ST6GAL2: variants seen among roughly 807,000 people sequenced by gnomAD.
ST6GAL2 encodes ST6 beta-galactoside alpha-2,6-sialyltransferase 2, also known as beta-galactoside alpha-2,6-sialyltransferase 2.
Under a neutral mutation model 37.5 loss-of-function variants are expected in ST6GAL2, and 24 were observed. The observed-to-expected ratio is 0.64, with a 90% confidence interval of 0.46 to 0.90. The LOEUF is 0.90. Among genes scored for constraint, ST6GAL2 ranks in the 40% least tolerant of loss-of-function variants. The pLI, the probability that ST6GAL2 is intolerant of heterozygous loss-of-function variation, is 0.00. For missense variants in ST6GAL2, 715 were observed against 712.7 expected, an observed-to-expected ratio of 1.00 and a Z score of -0.04; for synonymous variants, 306 against 295.1, an observed-to-expected ratio of 1.04 and a Z score of -0.38.
Position 106,805,247 on chromosome 2 carries a change from G to A in ST6GAL2, c.*1431C>T, listed in dbSNP as rs1675378335. ...AAGGGAGAACGCATTTAATTAAGCT[G>A]CTATTGTCATTGCAACAAGTCTTAA... On this transcript the variant is annotated 3_prime_UTR_variant, in exon 6 of 6. Coordinates refer to ENST00000409382, the MANE Select transcript of ST6GAL2 (RefSeq NM_001142351.2). 6.6e-6 allele frequency: 1 copy of A among 152,170 alleles called. No individual in the cohort carries two copies. The highest frequency in any genetic ancestry group is 1.5e-5 in the Non-Finnish European group (1 of 68,018). The allele number at this position is 152,170 out of a possible 1,614,324, so 9.4% of individuals were successfully genotyped here. A position where few individuals can be genotyped will look rare whatever the true frequency, so the allele number is the denominator to read the frequency against.
intron 1 of ST6GAL2, among the ~76,000 whole-genome samples, chr2:106,868,199 G>A (rs1678114116): frequency 6.6e-6 from 1 of 152,134 alleles, no homozygotes; most frequent in South Asian, 2.1e-4. Flanking sequence ...GATCATTTAC[G>A]CTCACTTTAC....
chr2:106,881,178 G>A (rs1379218972), intron 1 of ST6GAL2, among the ~76,000 whole-genome samples: 4 of 152,122 alleles, frequency 2.6e-5, no homozygotes, highest in Admixed American at 6.6e-5. Flanking sequence ...TTGTAGTTAT[G>A]GGGGTCTTGT....
chr2:106,813,222 AG>A, intron 5 of ST6GAL2: 1 of 1,354,704 alleles, frequency 7.4e-7, no homozygotes, highest in Non-Finnish European at 9.5e-7. Context: ...TTTACAAATG[AG>A]CCTATATGAG....
rs542476946 is a variant in ST6GAL2, at chr2:106,876,174, T to C, written c.-58+9919A>G. On this transcript the variant is annotated intron_variant, in intron 1 of 5. Coordinates refer to ENST00000409382, the MANE Select transcript of ST6GAL2 (RefSeq NM_001142351.2). ...AGTGTGTTTTTTTTCATATAAATAT[T>C]ATATGTCCAGCATTATTTTTAATAA... Among the ~76,000 whole-genome samples the C allele has an allele frequency of 2.6e-5, 4 of 152,276 alleles. No individual in the cohort carries two copies. In the South Asian group the frequency reaches 8.3e-4, roughly 32 times the overall value.
At chr2:106,859,415 C>T (rs1254956484) in intron 1 of ST6GAL2, among the ~76,000 whole-genome samples, 1 of 152,210 alleles carries the variant, frequency 6.6e-6, no homozygotes, top group Non-Finnish European at 1.5e-5. Flanking sequence ...TGCAGATCCA[C>T]ATAATCAATA....
chr2:106,862,898 A>T (rs1677866440), intron 1 of ST6GAL2, among the ~76,000 whole-genome samples: 1 of 144,992 alleles, frequency 6.9e-6, no homozygotes, highest in African/African-American at 2.5e-5. Flanking sequence ...AATCTAATTA[A>T]TTTGATAAAA....
intron 5 of ST6GAL2, among the ~76,000 whole-genome samples, chr2:106,819,533 G>A (rs1157532703): frequency 6.6e-6 from 1 of 151,840 alleles, no homozygotes; most frequent in Non-Finnish European, 1.5e-5. Flanking sequence ...CAAACATAAA[G>A]GAGAAATGAA....
At chr2:106,816,278 A>C (rs1310567662) in intron 5 of ST6GAL2, among the ~76,000 whole-genome samples, 1 of 152,202 alleles carries the variant, frequency 6.6e-6, no homozygotes, top group African/African-American at 2.4e-5. Flanking sequence ...GATAAATAGT[A>C]ATTCTAAACC....
chr2:106,842,234 C>A (rs1474674033), intron 2 of ST6GAL2, among the ~76,000 whole-genome samples: 1 of 152,216 alleles, frequency 6.6e-6, no homozygotes, highest in Admixed American at 6.5e-5. Context: ...TGTATAGACA[C>A]ATATCCTCCT....
At chr2:106,862,969 T>A (rs1223467227) in intron 1 of ST6GAL2, among the ~76,000 whole-genome samples, 2 of 145,342 alleles carry the variant, frequency 1.4e-5, no homozygotes, top group East Asian at 4.2e-4. Flanking sequence ...CATGAGTGCA[T>A]TGCTTATAAT....
intron 1 of ST6GAL2, among the ~76,000 whole-genome samples, chr2:106,847,378 T>C (rs562302733): frequency 5.3e-5 from 8 of 152,214 alleles, no homozygotes; most frequent in Non-Finnish European, 1.2e-4. Flanking sequence ...AGAAGGTGTT[T>C]CTAATATTTC....
At chr2:106,863,092 T>C (rs952666497) in intron 1 of ST6GAL2, among the ~76,000 whole-genome samples, 14 of 152,060 alleles carry the variant, frequency 9.2e-5, no homozygotes, top group African/African-American at 3.4e-4. Context: ...GGACAGGCCT[T>C]ACAAGGACTC....
intron 1 of ST6GAL2, among the ~76,000 whole-genome samples, chr2:106,863,735 C>T (rs1447123416): frequency 2.2e-4 from 34 of 152,216 alleles, no homozygotes; most frequent in Admixed American, 2.2e-3. Flanking sequence ...TAATTAACTG[C>T]TCTGAACATC....
Position 106,843,913 on chromosome 2 carries a change from A to G in ST6GAL2, c.65T>C (p.Leu22Pro), listed in dbSNP as rs757601261. ...MLFGIFAWGL[L>P]FLLIFIYFTD... ...GAAGTAGATGAAAATCAGCAAAAAGAGGAGCCCCCAAGCGAATATTCCGAA... is the reference window on the plus strand; with the variant it reads ...GAAGTAGATGAAAATCAGCAAAAAGGGGAGCCCCCAAGCGAATATTCCGAA... The change falls in exon 2 of 6, where the codon CTC (leucine) becomes CCC (proline). Residue 22 changes from leucine to proline, a missense_variant. By Grantham distance (98) the Leu-to-Pro change is moderately conservative (BLOSUM62 -3). Transcript: ENST00000409382. The G allele has an allele frequency of 6.2e-7, 1 of 1,601,606 alleles. No individual in the cohort carries two copies. The highest frequency in any genetic ancestry group is 8.5e-7 in the Non-Finnish European group (1 of 1,178,856).
intron 2 of ST6GAL2, among the ~76,000 whole-genome samples, chr2:106,840,940 G>A (rs1486809988): frequency 9.2e-5 from 14 of 152,164 alleles, no homozygotes; most frequent in Non-Finnish European, 2.1e-4. Context: ...TTGGCTCTCA[G>A]AAATGAGAAA....
intron 1 of ST6GAL2, among the ~76,000 whole-genome samples, chr2:106,879,004 T>C (rs1288163992): frequency 3.3e-5 from 5 of 152,138 alleles, no homozygotes; most frequent in Non-Finnish European, 7.3e-5. Flanking sequence ...AAATTATAAT[T>C]GGGATAGATA....
intron 1 of ST6GAL2, among the ~76,000 whole-genome samples, chr2:106,860,932 C>T (rs2104579984): frequency 6.6e-6 from 1 of 152,292 alleles, no homozygotes; most frequent in South Asian, 2.1e-4. Flanking sequence ...GTTATACCCT[C>T]CCTGCTTTGA....
intron 1 of ST6GAL2, among the ~76,000 whole-genome samples, chr2:106,859,328 C>T (rs1330218559): frequency 6.6e-6 from 1 of 152,168 alleles, no homozygotes; most frequent in African/African-American, 2.4e-5. Context: ...ATCTGCTACA[C>T]ATATGCATAG....
In ST6GAL2 at chr2:106,803,233, A is replaced by C. The variant is rs1248790472; in HGVS notation, c.*3445T>G. ...AGGACTACTGGAGAGTCCAGGATTG[A>C]TTAAGTGTCTGGCTGAGAGACCAAG... On this transcript the variant is annotated 3_prime_UTR_variant, in exon 6 of 6. Transcript: ENST00000409382. 1 of 152,194 alleles carries C rather than the reference A, an allele frequency of 6.6e-6. No homozygotes were observed. Among genetic ancestry groups the C allele is most frequent in the African/African-American group, 2.4e-5 (1 of 41,446 alleles). The allele number at this position is 152,194 out of a possible 1,614,324, so 9.4% of individuals were successfully genotyped here. A position where few individuals can be genotyped will look rare whatever the true frequency, so the allele number is the denominator to read the frequency against.
Sources: gnomAD v4.1 joint callset for allele counts (sites outside exome capture counted in the v4.1 genomes callset) on GRCh38, gnomAD v4.1.1 for gene constraint, MANE v1.5 for transcripts, NCBI Gene and HGNC (gene_info 2026-07-23, HGNC 2026-07-21) for gene names.